Variants in OPCML observed in about 807,000 individuals in gnomAD.
OPCML encodes the protein opioid-binding protein/cell adhesion molecule.
In OPCML, 13 loss-of-function variants were observed where a neutral mutation model predicts 37.8. That is an observed-to-expected ratio of 0.34 (90% CI 0.22 to 0.55). The LOEUF is 0.55. Among genes scored for constraint, OPCML ranks in the 20% least tolerant of loss-of-function variants. The pLI is 0.91. For missense variants in OPCML, 341 were observed against 435.6 expected, an observed-to-expected ratio of 0.78 and a Z score of 1.93; for synonymous variants, 176 against 168.8, an observed-to-expected ratio of 1.04 and a Z score of -0.33.
At chr11:132,799,182 C>T (rs1389441116) in intron 2 of OPCML, among the ~76,000 whole-genome samples, 1 of 152,176 alleles carries the variant, frequency 6.6e-6, no homozygotes, top group Admixed American at 6.5e-5. Flanking sequence ...TACATGGCAT[C>T]TTCTTCCAAT....
intron 1 of OPCML, among the ~76,000 whole-genome samples, chr11:133,186,761 A>C (rs1290374023): frequency 1.3e-5 from 2 of 152,234 alleles, no homozygotes; most frequent in Admixed American, 1.3e-4. Context: ...AGGTGCAGGC[A>C]AGCACTAATC....
At chr11:132,456,313 C>T (rs1258618522) in intron 4 of OPCML, among the ~76,000 whole-genome samples, 1 of 152,090 alleles carries the variant, frequency 6.6e-6, no homozygotes, top group East Asian at 1.9e-4. Flanking sequence ...GAAAAGATGT[C>T]CAAGACCTTG....
chr11:133,111,428 C>T (rs1369363627), intron 1 of OPCML, among the ~76,000 whole-genome samples: 1 of 152,180 alleles, frequency 6.6e-6, no homozygotes, highest in Non-Finnish European at 1.5e-5. Context: ...TGTGTCCCTG[C>T]CCTCCAAGAG....
At chr11:133,511,631 T>G (rs1314731736) in intron 1 of OPCML, among the ~76,000 whole-genome samples, 1 of 152,016 alleles carries the variant, frequency 6.6e-6, no homozygotes, top group Non-Finnish European at 1.5e-5. Flanking sequence ...TTCAGTGAGG[T>G]CTGGCCAGAC....
At chr11:132,624,845 C>T (rs964208250) in intron 3 of OPCML, among the ~76,000 whole-genome samples, 1 of 152,118 alleles carries the variant, frequency 6.6e-6, no homozygotes, top group Non-Finnish European at 1.5e-5. Flanking sequence ...AAACATGCCA[C>T]GTTATTAGGG....
intron 1 of OPCML, among the ~76,000 whole-genome samples, chr11:132,959,650 C>T (rs890912762): frequency 2.0e-5 from 3 of 152,136 alleles, no homozygotes; most frequent in African/African-American, 7.2e-5. Flanking sequence ...TGGTTCACAG[C>T]GTTTCCATTT....
chr11:132,584,219 G>A (rs2096467764), intron 3 of OPCML, among the ~76,000 whole-genome samples: 1 of 152,040 alleles, frequency 6.6e-6, no homozygotes. Context: ...GGTAGGAGGA[G>A]CAAAGATAGG....
At chr11:133,043,746 A>C (rs1947952974) in intron 1 of OPCML, among the ~76,000 whole-genome samples, 1 of 152,192 alleles carries the variant, frequency 6.6e-6, no homozygotes, top group African/African-American at 2.4e-5. Flanking sequence ...GTGCAGGAAA[A>C]AAAGGGGGAC....
In OPCML at chr11:133,007,886, G is replaced by A. The variant is rs75874674; in HGVS notation, c.62-64876C>T. ...AAAGATTGTGGGGAAAATGGTTTAT[G>A]CTTTTCTTGGATATGTTGTCCTGCA... On this transcript the variant is annotated intron_variant, in intron 1 of 7. Transcript: ENST00000524381. 1.3e-4 allele frequency: 127 copies of A among 985,430 alleles called. No individual in the cohort carries two copies. The East Asian group carries it at 0.013, about 100-fold the overall frequency. The allele number at this position is 985,430 out of a possible 1,614,324, so 61.0% of individuals were successfully genotyped here.
At chr11:133,224,610 G>A (rs533140737) in intron 1 of OPCML, among the ~76,000 whole-genome samples, 1 of 152,330 alleles carries the variant, frequency 6.6e-6, no homozygotes, top group East Asian at 1.9e-4. Context: ...CCAGGCAAGG[G>A]CTCACCCGGG....
intron 1 of OPCML, among the ~76,000 whole-genome samples, chr11:133,386,319 T>A (rs535140155): frequency 4.6e-5 from 7 of 152,380 alleles, no homozygotes; most frequent in African/African-American, 7.2e-5. Context: ...AATAGACTTT[T>A]GTTGGAGTGG....
At position 133,005,398 on chromosome 11, in the gene OPCML, A is replaced by G. The variant is rs1056412195; in HGVS notation, c.62-62388T>C. On this transcript the variant is annotated intron_variant, in intron 1 of 7. Transcript: ENST00000524381. Reference sequence around the variant, plus strand: ...GTTTCTCAGATATCTGTCTACATTAATGCTTTTTCACCCTAACACCCATGT... The same window carrying G: ...GTTTCTCAGATATCTGTCTACATTAGTGCTTTTTCACCCTAACACCCATGT... 1.2e-5 allele frequency: 12 copies of G among 985,188 alleles called. No homozygotes were observed. In the African/African-American group the frequency reaches 1.6e-4, roughly 13 times the overall value. The allele number at this position is 985,188 out of a possible 1,614,324, so 61.0% of individuals were successfully genotyped here.
intron 1 of OPCML, among the ~76,000 whole-genome samples, chr11:133,237,873 G>T (rs773077698): frequency 6.6e-6 from 1 of 152,158 alleles, no homozygotes; most frequent in Non-Finnish European, 1.5e-5. Context: ...GAGGAGGATG[G>T]GAGAGAGCCA....
chr11:133,212,143 G>T lies in OPCML; in HGVS notation c.62-269133C>A, dbSNP rs139950538. Among the ~76,000 whole-genome samples the T allele has an allele frequency of 3.3e-5, 5 of 151,406 alleles. No homozygotes were observed. Among genetic ancestry groups the T allele is most frequent in the Non-Finnish European group, 5.9e-5 (4 of 68,018 alleles). Reference sequence around the variant, plus strand: ...CACCTGCTGGAACCTGAGCATGAAAGTACCCACACCACCACCAATCACAAC... The same window carrying T: ...CACCTGCTGGAACCTGAGCATGAAATTACCCACACCACCACCAATCACAAC... On this transcript the variant is annotated intron_variant, in intron 1 of 7. Transcript: ENST00000524381. The surrounding 1 kb of genome is among the most constrained non-coding windows in gnomAD (Gnocchi z 4.9).
At chr11:133,342,960 T>C (rs1367437091) in intron 1 of OPCML, among the ~76,000 whole-genome samples, 1 of 152,200 alleles carries the variant, frequency 6.6e-6, no homozygotes, top group African/African-American at 2.4e-5. Flanking sequence ...TGCAGTGCAG[T>C]GGCACAATCA....
intron 1 of OPCML, chr11:133,421,117 GT>G: frequency 1.0e-6 from 1 of 985,374 alleles, no homozygotes; most frequent in Non-Finnish European, 1.2e-6. Flanking sequence ...GTTACCAAAT[GT>G]TCTCCAAGCT....
intron 2 of OPCML, among the ~76,000 whole-genome samples, chr11:132,747,029 A>T (rs563836808): frequency 6.6e-6 from 1 of 152,352 alleles, no homozygotes; most frequent in South Asian, 2.1e-4. Context: ...GGATCAAATG[A>T]GATGATGTGA....
chr11:132,940,967 G>A (rs1282776800), intron 2 of OPCML, among the ~76,000 whole-genome samples: 1 of 151,878 alleles, frequency 6.6e-6, no homozygotes, highest in Non-Finnish European at 1.5e-5. Flanking sequence ...CCTATTCTGG[G>A]GTAAATGTAT....
Position 132,420,154 on chromosome 11 carries a change from G to A in OPCML, c.*39C>T, listed in dbSNP as rs763201353. 1.9e-6 allele frequency: 3 copies of A among 1,574,642 alleles called. No homozygotes were observed. The highest frequency in any genetic ancestry group is 2.2e-5 in the East Asian group (1 of 44,578). On this transcript the variant is annotated 3_prime_UTR_variant, in exon 8 of 8. Coordinates refer to ENST00000524381, the MANE Select transcript of OPCML (RefSeq NM_001012393.5). Reference sequence around the variant, plus strand: ...CAGTGTAGATTAAAGTCTGTGATATGGAGAAGCAGGCGTTGCTCAGAGGAC... The same window carrying A: ...CAGTGTAGATTAAAGTCTGTGATATAGAGAAGCAGGCGTTGCTCAGAGGAC...
Sources: allele counts gnomAD v4.1 joint callset (sites outside exome capture counted in the v4.1 genomes callset), GRCh38; gene constraint gnomAD v4.1.1; non-coding constraint Gnocchi (gnomAD v3.1); transcripts MANE v1.5; gene names NCBI Gene and HGNC (gene_info 2026-07-23, HGNC 2026-07-21).